The following SPATS2 variants were observed in gnomAD, a reference collection of about 807,000 sequenced individuals.
SPATS2 encodes the protein spermatogenesis-associated serine-rich protein 2.
A neutral mutation model predicts 63.7 loss-of-function variants in SPATS2; 38 were observed. The observed-to-expected ratio is 0.60, with a 90% CI of 0.46 to 0.78. The LOEUF is 0.78. Among genes scored for constraint, SPATS2 ranks in the 30% least tolerant of loss-of-function variants. SPATS2 has a pLI of 0.00. For synonymous variants in SPATS2, 207 were observed against 232.9 expected (o/e 0.89, Z 1.01); for missense variants, 588 against 666.2 (o/e 0.88, Z 1.29).
At chr12:49,465,654 T>C (rs1035422637) in intron 3 of SPATS2, among the ~76,000 whole-genome samples, 11 of 152,136 alleles carry the variant, frequency 7.2e-5, no homozygotes, top group African/African-American at 2.2e-4. Flanking sequence ...CTTCTACTTT[T>C]CTTAATGGGC....
chr12:49,378,434 A>C (rs1179193833), intron 2 of SPATS2, among the ~76,000 whole-genome samples: 1 of 151,852 alleles, frequency 6.6e-6, no homozygotes. Flanking sequence ...AGTAGCTGGG[A>C]CTACAGGCGC....
intron 2 of SPATS2, among the ~76,000 whole-genome samples, chr12:49,385,357 A>AGTGTGTGTGTGTGTGTGTGTGT (rs57896651): frequency 3.5e-5 from 5 of 142,090 alleles, no homozygotes; most frequent in South Asian, 2.3e-4. Context: ...TAAGTATATA[A>AGTGTGTGTGTGTGTGTGTGTGT]GTGTGTGTGT....
In SPATS2 at chr12:49,400,090, G is replaced by A. The variant is rs1034299921; in HGVS notation, c.-244+28800G>A. 4.6e-5 allele frequency among the ~76,000 whole-genome samples: 7 copies of A among 152,332 alleles called. No individual in the cohort carries two copies. In the East Asian group the frequency reaches 1.2e-3, roughly 25 times the overall value. On this transcript the variant is annotated intron_variant, in intron 2 of 13. Transcript: ENST00000552918. ...ACCAGGCACTGTTAGAGTTACAGCT[G>A]TGAACAAAACAGACCTCTCTGTCTT...
intron 2 of SPATS2, among the ~76,000 whole-genome samples, chr12:49,459,246 C>G (rs1279830824): frequency 6.6e-6 from 1 of 152,080 alleles, no homozygotes; most frequent in Non-Finnish European, 1.5e-5. Flanking sequence ...GGTGGAGGGA[C>G]TTGTGTGCTA....
chr12:49,398,249 C>G (rs752674394), intron 2 of SPATS2, among the ~76,000 whole-genome samples: 19 of 150,374 alleles, frequency 1.3e-4, no homozygotes, highest in Non-Finnish European at 2.7e-4. Context: ...AGGGCCAGTT[C>G]ATAAAAAATT....
At chr12:49,509,273 C>T (rs1450171335) in intron 9 of SPATS2, among the ~76,000 whole-genome samples, 1 of 77,804 alleles carries the variant, frequency 1.3e-5, no homozygotes, top group Admixed American at 1.6e-4. Flanking sequence ...GTTCTAACTT[C>T]TTTTTTTTTT....
chr12:49,415,896 T>A lies in SPATS2; in HGVS notation c.-244+44606T>A, dbSNP rs534513513. ...GTAGTTTGCTCATCTCTGTTTTAAG[T>A]CTTTACGACAGCCTCCTTGAGGCCT... On this transcript the variant is annotated intron_variant, in intron 2 of 13. Coordinates refer to ENST00000552918, the MANE Select transcript of SPATS2 (RefSeq NM_023071.4). Among the ~76,000 whole-genome samples the A allele has an allele frequency of 7.9e-5, 12 of 152,302 alleles. No individual in the cohort carries two copies. In the South Asian group the frequency reaches 2.5e-3, roughly 32 times the overall value.
chr12:49,465,695 G>A (rs1438243788), intron 3 of SPATS2, among the ~76,000 whole-genome samples: 2 of 152,168 alleles, frequency 1.3e-5, no homozygotes, highest in South Asian at 2.1e-4. Context: ...TATAATCCCA[G>A]CACTTTGGGA....
intron 2 of SPATS2, among the ~76,000 whole-genome samples, chr12:49,398,749 A>G (rs907556848): frequency 3.9e-5 from 6 of 152,218 alleles, no homozygotes; most frequent in Non-Finnish European, 7.3e-5. Flanking sequence ...ATGTAAATAC[A>G]GAAATCCCAC....
At chr12:49,511,052 T>C (rs1428699473) in intron 9 of SPATS2, among the ~76,000 whole-genome samples, 3 of 151,918 alleles carry the variant, frequency 2.0e-5, no homozygotes, top group Non-Finnish European at 2.9e-5. Flanking sequence ...AATAGAAAAA[T>C]TAGCTGGGCG....
chr12:49,440,888 C>T (rs1315567004), intron 2 of SPATS2, among the ~76,000 whole-genome samples: 2 of 152,128 alleles, frequency 1.3e-5, no homozygotes, highest in African/African-American at 2.4e-5. Context: ...AATGATGTGT[C>T]TTTCTCAGTT....
chr12:49,456,709 A>C (rs1200737787), intron 2 of SPATS2, among the ~76,000 whole-genome samples: 1 of 152,214 alleles, frequency 6.6e-6, no homozygotes, highest in Admixed American at 6.5e-5. Flanking sequence ...AAGGTAGAAC[A>C]CATGGGATTC....
chr12:49,392,637 C>T (rs1396475562), intron 2 of SPATS2, among the ~76,000 whole-genome samples: 2 of 150,754 alleles, frequency 1.3e-5, no homozygotes, highest in Non-Finnish European at 3.0e-5. Context: ...TGTTTGAACC[C>T]GGGAGGCAGA....
chr12:49,481,667 C>T (rs888010517), intron 3 of SPATS2, among the ~76,000 whole-genome samples: 66 of 151,864 alleles, frequency 4.3e-4, no homozygotes, highest in African/African-American at 1.5e-3. Flanking sequence ...GGGGTTTCAC[C>T]ATGTTTGCTG....
chr12:49,402,858 G>C (rs1243514026), intron 2 of SPATS2, among the ~76,000 whole-genome samples: 5 of 152,310 alleles, frequency 3.3e-5, no homozygotes, highest in African/African-American at 1.2e-4. Context: ...TGGTATAAGA[G>C]TGTGAGAGAG....
At chr12:49,461,349 T>G (rs2137679877) in intron 3 of SPATS2, 2 of 247,208 alleles carry the variant, frequency 8.1e-6, no homozygotes, top group East Asian at 1.9e-4. Context: ...GTTGTTTGAG[T>G]TGGCATTTTT....
intron 3 of SPATS2, among the ~76,000 whole-genome samples, chr12:49,479,980 A>T (rs1318109844): frequency 6.6e-6 from 1 of 152,226 alleles, no homozygotes; most frequent in Admixed American, 6.5e-5. Context: ...TGATTTTCTC[A>T]TCACTATGAG....
intron 3 of SPATS2, among the ~76,000 whole-genome samples, chr12:49,467,765 G>A (rs981031463): frequency 4.6e-5 from 7 of 151,842 alleles, no homozygotes; most frequent in Non-Finnish European, 8.8e-5. Flanking sequence ...GTGCAGTGGC[G>A]CGATCTTGGC....
Position 49,411,930 on chromosome 12 carries a change from C to A in SPATS2, c.-244+40640C>A, listed in dbSNP as rs895942596. ...TTTATAATATGTGAAAATCAAATTC[C>A]ATTTTTTTCTTCTAAGAGAGCTAGA... On this transcript the variant is annotated intron_variant, in intron 2 of 13. Transcript: ENST00000552918. 4.6e-5 allele frequency among the ~76,000 whole-genome samples: 7 copies of A among 152,054 alleles called. 1 individual carries two copies. In the South Asian group the frequency reaches 8.3e-4, roughly 18 times the overall value.
Sources: gnomAD v4.1 joint callset for allele counts (sites outside exome capture counted in the v4.1 genomes callset) on GRCh38, gnomAD v4.1.1 for gene constraint, MANE v1.5 for transcripts, NCBI Gene and HGNC (gene_info 2026-07-23, HGNC 2026-07-21) for gene names.